Variants in PSKH1 observed in about 807,000 individuals in gnomAD.
PSKH1 encodes the protein serine/threonine-protein kinase H1.
In PSKH1, 12 loss-of-function variants were observed where a neutral mutation model predicts 26.7. The observed-to-expected ratio is 0.45, with a 90% CI of 0.29 to 0.73. The LOEUF (loss-of-function observed/expected upper bound fraction) is 0.73. Among genes scored for constraint, PSKH1 ranks in the 30% least tolerant of loss-of-function variants. The pLI is 0.11. For synonymous variants in PSKH1, 213 were observed against 234.3 expected, an observed-to-expected ratio of 0.91 and a Z score of 0.83; for missense variants, 431 against 595.2, an observed-to-expected ratio of 0.72 and a Z score of 2.87.
intron 2 of PSKH1, among the ~76,000 whole-genome samples, chr16:67,915,169 ATGAG>A (rs1179238638): frequency 6.6e-6 from 1 of 151,216 alleles, no homozygotes; most frequent in East Asian, 2.0e-4. Flanking sequence ...CTCACAGTGA[ATGAG>A]TGAGTGAATG....
At chr16:67,924,155 G>A (rs79327462) in intron 2 of PSKH1, among the ~76,000 whole-genome samples, 6,542 of 152,272 alleles carry the variant, frequency 0.043, 144 homozygotes, top group Middle Eastern at 0.17. Context: ...AGTTCAGGAC[G>A]ACTTGAGTCA....
chr16:67,902,302 T>G (rs1339019819), intron 1 of PSKH1, among the ~76,000 whole-genome samples: 4 of 151,784 alleles, frequency 2.6e-5, no homozygotes, highest in Non-Finnish European at 5.9e-5. Context: ...AAGTTAGACC[T>G]TTTGTTTTTT....
At position 67,927,725 on chromosome 16, in the gene PSKH1, GAT is replaced by G; in HGVS notation, c.*85_*86del. The G allele has an allele frequency of 1.4e-6, 2 of 1,441,118 alleles. No individual in the cohort carries two copies. Among genetic ancestry groups the G allele is most frequent in the South Asian group, 2.7e-5 (2 of 74,818 alleles). The allele number at this position is 1,441,118 out of a possible 1,614,324, so 89.3% of individuals were successfully genotyped here. A position where few individuals can be genotyped will look rare whatever the true frequency, so the allele number is the denominator to read the frequency against. On this transcript the variant is annotated 3_prime_UTR_variant, in exon 3 of 3. Transcript: ENST00000291041. This position sits in a 1 kb window ranked among gnomAD's most constrained non-coding sequence, Gnocchi z 5.5. ...ATCTGGGTCCGATGCCCTCTCTGGA[GAT>G]AGGCCTATGTGGCCCACAGTAGGTG...
At chr16:67,925,610 T>C (rs1394313616) in intron 2 of PSKH1, among the ~76,000 whole-genome samples, 2 of 152,104 alleles carry the variant, frequency 1.3e-5, no homozygotes, top group Non-Finnish European at 2.9e-5. Flanking sequence ...TGGGCCTTCG[T>C]TGGCTGCATG....
At chr16:67,896,360 C>G (rs977661273) in intron 1 of PSKH1, among the ~76,000 whole-genome samples, 3 of 151,954 alleles carry the variant, frequency 2.0e-5, no homozygotes, top group Non-Finnish European at 4.4e-5. Flanking sequence ...CCACTCACCT[C>G]GGACTCCCAA....
rs2058222963 is a variant in PSKH1 at position 67,927,956 on chromosome 16, C to T, written c.*314C>T. The T allele has an allele frequency of 7.6e-6, 3 of 392,238 alleles. No individual in the cohort carries two copies. The South Asian group carries it at 1.2e-4, about 16-fold the overall frequency. 24.3% of individuals were successfully genotyped at this position (392,238 alleles called of 1,614,324 possible). On this transcript the variant is annotated 3_prime_UTR_variant, in exon 3 of 3. Transcript: ENST00000291041. This position sits in a 1 kb window ranked among gnomAD's most constrained non-coding sequence, Gnocchi z 5.5. ...AGGGATAGGACCTGGCCTTCACTGT[C>T]TCCCTTGCCCTTTGACTTTTCCCCA...
chr16:67,899,499 C>A (rs1245908170), intron 1 of PSKH1, among the ~76,000 whole-genome samples: 1 of 151,672 alleles, frequency 6.6e-6, no homozygotes, highest in East Asian at 1.9e-4. Context: ...CCACACCGGG[C>A]TAATTTTTTG....
At position 67,927,426 on chromosome 16, in the gene PSKH1, G is replaced by A. The variant is rs776470919; in HGVS notation, c.1059G>A (p.Pro353=). 3.7e-6 allele frequency: 6 copies of A among 1,614,088 alleles called. No homozygotes were observed. Among genetic ancestry groups the A allele is most frequent in the Non-Finnish European group, 5.1e-6 (6 of 1,180,042 alleles). ...CTGCACTGCAGGCCCTGAGGCACCC[G>A]TGGGTGGTGAGCATGGCTGCCTCTT... ...RMTALQALRH[P]WVVSMAASSS... The change falls in exon 3 of 3, where the codon CCG becomes CCA. Residue 353 remains proline, a synonymous_variant. Coordinates refer to ENST00000291041, the MANE Select transcript of PSKH1 (RefSeq NM_006742.3). The surrounding 1 kb of genome is among the most constrained non-coding windows in gnomAD (Gnocchi z 5.5).
intron 2 of PSKH1, among the ~76,000 whole-genome samples, chr16:67,916,211 G>A (rs1451761559): frequency 6.6e-6 from 1 of 152,200 alleles, no homozygotes; most frequent in Non-Finnish European, 1.5e-5. Context: ...TTGTTGCTGT[G>A]TGAATGAAGG....
chr16:67,904,817 T>A (rs1373356927), intron 1 of PSKH1, among the ~76,000 whole-genome samples: 1 of 151,068 alleles, frequency 6.6e-6, no homozygotes, highest in East Asian at 1.9e-4. Flanking sequence ...CTGGTCCTTT[T>A]TTAATTTTTT....
At chr16:67,895,048 A>G (rs977992978) in intron 1 of PSKH1, among the ~76,000 whole-genome samples, 3 of 144,306 alleles carry the variant, frequency 2.1e-5, no homozygotes, top group African/African-American at 7.8e-5. Flanking sequence ...CTCAGCCCCC[A>G]GAGTAGCTGG....
chr16:67,911,827 C>T (rs763341220), intron 2 of PSKH1, among the ~76,000 whole-genome samples: 3 of 152,222 alleles, frequency 2.0e-5, no homozygotes, highest in Non-Finnish European at 2.9e-5. Context: ...GGGGAGGGGG[C>T]TGGCATTCTC....
At chr16:67,912,158 A>G (rs1360682278) in intron 2 of PSKH1, among the ~76,000 whole-genome samples, 1 of 152,212 alleles carries the variant, frequency 6.6e-6, no homozygotes, top group African/African-American at 2.4e-5. Flanking sequence ...TGGCTGTCAC[A>G]TGCTTATAGC....
At chr16:67,922,699 G>T (rs564423713) in intron 2 of PSKH1, among the ~76,000 whole-genome samples, 2 of 152,328 alleles carry the variant, frequency 1.3e-5, no homozygotes, top group East Asian at 3.9e-4. Flanking sequence ...AAGTGAAGGC[G>T]GTGTGATTTC....
intron 2 of PSKH1, among the ~76,000 whole-genome samples, chr16:67,923,407 A>G (rs1348874983): frequency 6.6e-6 from 1 of 152,062 alleles, no homozygotes; most frequent in East Asian, 1.9e-4. Flanking sequence ...CTTCCTCTTG[A>G]AGCAGGACCC....
At position 67,927,476 on chromosome 16, in the gene PSKH1, C is replaced by T. The variant is rs1296576921; in HGVS notation, c.1109C>T (p.Ser370Phe). The T allele has an allele frequency of 1.2e-6, 2 of 1,614,232 alleles. No individual in the cohort carries two copies. The highest frequency in any genetic ancestry group is 1.7e-6 in the Non-Finnish European group (2 of 1,180,038). ...ASSSMKNLHR[S>F]ISQNLLKRAS... ...TCATCCATGAAGAACCTGCACCGCTCCATATCCCAGAACCTCCTTAAACGT... is the reference window on the plus strand; with the variant it reads ...TCATCCATGAAGAACCTGCACCGCTTCATATCCCAGAACCTCCTTAAACGT... The change falls in exon 3 of 3, where the codon TCC (serine) becomes TTC (phenylalanine). Residue 370 changes from serine to phenylalanine, a missense_variant. Transcript: ENST00000291041. The surrounding 1 kb of genome is among the most constrained non-coding windows in gnomAD (Gnocchi z 5.5).
Position 67,908,971 on chromosome 16 carries a change from C to A in PSKH1, c.222C>A (p.Pro74=), listed in dbSNP as rs199714224. 1.9e-6 allele frequency: 3 copies of A among 1,613,986 alleles called. No homozygotes were observed. Among genetic ancestry groups the A allele is most frequent in the Non-Finnish European group, 1.7e-6 (2 of 1,179,910 alleles). The change falls in exon 2 of 3, where the codon CCC becomes CCA. Residue 74 remains proline (P), a synonymous_variant. Coordinates refer to ENST00000291041, the MANE Select transcript of PSKH1 (RefSeq NM_006742.3). ...CGACTGCTGGCCACACGGAGCCTCCCTCAGAACCACCACGCAGGGCCAGGG... is the reference window on the plus strand; with the variant it reads ...CGACTGCTGGCCACACGGAGCCTCCATCAGAACCACCACGCAGGGCCAGGG... ...GPPTAGHTEP[P]SEPPRRARVA...
Position 67,922,052 on chromosome 16 carries a change from C to A in PSKH1, c.958-5273C>A, listed in dbSNP as rs536981158. On this transcript the variant is annotated intron_variant, in intron 2 of 2. Transcript: ENST00000291041. ...TTTCTCTCCTCAGGCTCTCTCCCCCCACACCCTTCCCTTTTCTGTTGCTTG... is the reference window on the plus strand; with the variant it reads ...TTTCTCTCCTCAGGCTCTCTCCCCCAACACCCTTCCCTTTTCTGTTGCTTG... 3.9e-5 allele frequency among the ~76,000 whole-genome samples: 6 copies of A among 152,072 alleles called. No individual in the cohort carries two copies. In the East Asian group the frequency reaches 7.7e-4, roughly 20 times the overall value.
chr16:67,896,910 C>T (rs887934674), intron 1 of PSKH1, among the ~76,000 whole-genome samples: 5 of 152,198 alleles, frequency 3.3e-5, no homozygotes, highest in Non-Finnish European at 7.3e-5. Context: ...GCATCTAGAA[C>T]AGAATGCCCC....
Sources: gnomAD v4.1 joint callset for allele counts (sites outside exome capture counted in the v4.1 genomes callset) on GRCh38, gnomAD v4.1.1 for gene constraint, Gnocchi (gnomAD v3.1) non-coding constraint, MANE v1.5 for transcripts, NCBI Gene and HGNC (gene_info 2026-07-23, HGNC 2026-07-21) for gene names.